SGSM1: variants seen among roughly 807,000 people sequenced by gnomAD.
The protein encoded by SGSM1 is RUN and TBC1 domain containing 2.
In SGSM1, 73 loss-of-function variants were observed where a neutral mutation model predicts 133.8. The observed-to-expected ratio is 0.55, with a 90% confidence interval of 0.45 to 0.66. SGSM1 has a LOEUF of 0.66. Ranked by LOEUF, SGSM1 falls within the 30% of genes least tolerant of loss-of-function variation. SGSM1 has a pLI of 0.00. For missense variants in SGSM1, 1,213 were observed against 1,448.1 expected (o/e 0.84, Z 2.64); for synonymous variants, 563 against 573.0 (o/e 0.98, Z 0.25).
chr22:24,856,724 C>T (rs952984675), intron 8 of SGSM1, among the ~76,000 whole-genome samples: 3 of 151,996 alleles, frequency 2.0e-5, no homozygotes, highest in Admixed American at 6.6e-5. Flanking sequence ...ACCCTATTGC[C>T]GCAAATCTAA....
chr22:24,821,140 G>A (rs542790261), intron 2 of SGSM1, among the ~76,000 whole-genome samples: 26 of 152,244 alleles, frequency 1.7e-4, no homozygotes, highest in Middle Eastern at 3.4e-3. Context: ...GGGTTCAAGC[G>A]ATTCTCCTGC....
At chr22:24,914,485 A>C (rs935046330) in intron 22 of SGSM1, among the ~76,000 whole-genome samples, 5 of 150,482 alleles carry the variant, frequency 3.3e-5, no homozygotes, top group African/African-American at 1.2e-4. Flanking sequence ...CCCCCCCCAA[A>C]AAAAAATTAA....
At chr22:24,883,093 A>C (rs1601952077) in intron 14 of SGSM1, among the ~76,000 whole-genome samples, 2 of 147,878 alleles carry the variant, frequency 1.4e-5, no homozygotes, top group South Asian at 2.2e-4. Flanking sequence ...TTTAGTAGAG[A>C]CGGGGTCTCA....
At position 24,898,991 on chromosome 22, in the gene SGSM1, C is replaced by T. The variant is rs971190839; in HGVS notation, c.2610+432C>T. On this transcript the variant is annotated intron_variant, in intron 19 of 24. Coordinates refer to ENST00000400358, the MANE Select transcript of SGSM1 (RefSeq NM_001098497.3). ...GCAGTGAGCCGAGATCGCACCACTG[C>T]ATTCCAGCCTGGACAACAGAGCAAG... Among the ~76,000 whole-genome samples the T allele has an allele frequency of 4.9e-5, 6 of 122,190 alleles. No homozygotes were observed. In the East Asian group the frequency reaches 8.3e-4, roughly 17 times the overall value. The allele number at this position is 122,190 out of a possible 152,430, so 80.2% of individuals were successfully genotyped here. A position where few individuals can be genotyped will look rare whatever the true frequency, so the allele number is the denominator to read the frequency against.
intron 13 of SGSM1, among the ~76,000 whole-genome samples, chr22:24,877,774 T>A (rs1387659122): frequency 1.3e-5 from 2 of 150,332 alleles, no homozygotes; most frequent in Non-Finnish European, 3.0e-5. Context: ...GTTTGAGAAG[T>A]GCTAATATTA....
chr22:24,865,334 C>T (rs2147869653), intron 9 of SGSM1, among the ~76,000 whole-genome samples: 1 of 152,280 alleles, frequency 6.6e-6, no homozygotes, highest in Admixed American at 6.5e-5. Flanking sequence ...AGAGAAGACA[C>T]CCTGGCTAGA....
chr22:24,814,106 C>G (rs564259515), intron 2 of SGSM1: 2 of 152,304 alleles, frequency 1.3e-5, no homozygotes, highest in South Asian at 4.1e-4. Flanking sequence ...TGGCCAGTGT[C>G]ACTCTCTGAG....
intron 22 of SGSM1, among the ~76,000 whole-genome samples, chr22:24,916,464 G>A (rs1283827754): frequency 1.3e-5 from 2 of 152,120 alleles, no homozygotes; most frequent in Non-Finnish European, 2.9e-5. Flanking sequence ...AGGCCAAGGC[G>A]GGTGGATCAT....
chr22:24,819,323 T>C (rs80305935), intron 2 of SGSM1, among the ~76,000 whole-genome samples: 4,399 of 152,286 alleles, frequency 0.029, 175 homozygotes, highest in African/African-American at 0.097. Flanking sequence ...TCAGTCACAC[T>C]AGCCATATTT....
chr22:24,867,507 C>T (rs1226325713), intron 10 of SGSM1, among the ~76,000 whole-genome samples: 1 of 152,226 alleles, frequency 6.6e-6, no homozygotes. Context: ...GTTATTCAGT[C>T]ATCACAGCCA....
chr22:24,823,586 G>A (rs1215700613), intron 2 of SGSM1, among the ~76,000 whole-genome samples: 6 of 149,128 alleles, frequency 4.0e-5, no homozygotes, highest in Admixed American at 2.7e-4. Context: ...GGGCAACAGA[G>A]CGAGACTCCA....
In SGSM1 at chr22:24,892,604, G is replaced by T. The variant is rs367923344; in HGVS notation, c.1771-827G>T. Among the ~76,000 whole-genome samples, 33 of 152,172 alleles carry T rather than the reference G, an allele frequency of 2.2e-4. No homozygotes were observed. The South Asian group carries it at 6.6e-3, about 31-fold the overall frequency. Reference sequence around the variant, plus strand: ...TCATGCGTTGATTGAGTGGATAGGTGGGGGAAGGTCAGCATCTTGCTCATC... The same window carrying T: ...TCATGCGTTGATTGAGTGGATAGGTTGGGGAAGGTCAGCATCTTGCTCATC... On this transcript the variant is annotated intron_variant, in intron 16 of 24. Coordinates refer to ENST00000400358, the MANE Select transcript of SGSM1 (RefSeq NM_001098497.3).
chr22:24,874,510 G>T (rs867240577), intron 12 of SGSM1: 2 of 1,612,806 alleles, frequency 1.2e-6, no homozygotes, highest in East Asian at 4.5e-5. Flanking sequence ...GGTGGCCAGA[G>T]GGAGTCAGTG....
At chr22:24,882,710 C>T in intron 14 of SGSM1, among the ~76,000 whole-genome samples, 1 of 152,154 alleles carries the variant, frequency 6.6e-6, no homozygotes, top group East Asian at 1.9e-4. Context: ...CACTCTCCAC[C>T]TCCATGAAAA....
chr22:24,882,251 G>A (rs1932373663), intron 14 of SGSM1, among the ~76,000 whole-genome samples: 2 of 151,760 alleles, frequency 1.3e-5, no homozygotes, highest in South Asian at 4.2e-4. Flanking sequence ...TATTTTTTTT[G>A]TAGAGATGTG....
intron 20 of SGSM1, among the ~76,000 whole-genome samples, chr22:24,904,479 C>G (rs2123718746): frequency 6.6e-6 from 1 of 151,022 alleles, no homozygotes; most frequent in South Asian, 2.1e-4. Context: ...ACTCGGGAGG[C>G]TGAGGCAGGA....
At chr22:24,909,592 A>G (rs1284332443) in intron 21 of SGSM1, among the ~76,000 whole-genome samples, 1 of 151,940 alleles carries the variant, frequency 6.6e-6, no homozygotes, top group African/African-American at 2.4e-5. Flanking sequence ...AGTAGCTGGG[A>G]TTACAGGCGC....
In SGSM1 at chr22:24,868,872, C is replaced by T. The variant is rs533894039; in HGVS notation, c.1291+17C>T. On this transcript the variant is annotated intron_variant, in intron 12 of 24. Transcript: ENST00000400358. ...CGGAATTCGGTGAGCTGCCCTGTCC[C>T]GGGCCCCGGGGAGTCACCTGCTAAC... The T allele has an allele frequency of 7.8e-5, 125 of 1,611,890 alleles. 2 individuals are homozygous for T. The South Asian group carries it at 1.2e-3, about 16-fold the overall frequency.
rs111352837 is a variant in SGSM1, at chr22:24,837,591, C to CG, written c.64-7306_64-7305insG. On this transcript the variant is annotated intron_variant, in intron 2 of 24. Transcript: ENST00000400358. Reference sequence around the variant, plus strand: ...GGGGAAAGGGAGACCCCCCCCCCCCCTTTCCCAGTCTGCTAAGTAGCGGGT... The same window carrying CG: ...GGGGAAAGGGAGACCCCCCCCCCCCCGTTTCCCAGTCTGCTAAGTAGCGGGT... Among the ~76,000 whole-genome samples the CG allele has an allele frequency of 6.3e-3, 692 of 109,572 alleles. 6 individuals carry two copies. Among genetic ancestry groups the CG allele is most frequent in the South Asian group, 0.018 (72 of 4,054 alleles). 71.9% of individuals were successfully genotyped at this position (109,572 alleles called of 152,430 possible). A position where few individuals can be genotyped will look rare whatever the true frequency, so the allele number is the denominator to read the frequency against.
Sources: gnomAD v4.1 joint callset for allele counts (sites outside exome capture counted in the v4.1 genomes callset) on GRCh38, gnomAD v4.1.1 for gene constraint, MANE v1.5 for transcripts, NCBI Gene and HGNC (gene_info 2026-07-23, HGNC 2026-07-21) for gene names.